RPS17: variants seen among roughly 807,000 people sequenced by gnomAD.
RPS17 encodes small ribosomal subunit protein eS17.
For missense variants in RPS17, 68 were observed against 182.3 expected, an observed-to-expected ratio of 0.37 and a Z score of 3.61; for synonymous variants, 75 against 65.6, an observed-to-expected ratio of 1.14 and a Z score of -0.70.
intron 2 of RPS17, 55 bp from the exon 3 acceptor site, chr15:82,539,040 T>C (rs1040037115): frequency 6.5e-7 from 1 of 1,544,110 alleles, no homozygotes; most frequent in Non-Finnish European, 9.0e-7. Flanking sequence ...AACTCCCACC[T>C]GGTACTGAGC....
intron 2 of RPS17, among the ~76,000 whole-genome samples, 159 bp from the exon 3 acceptor site, chr15:82,539,144 A>T (rs1002844779): frequency 6.6e-6 from 1 of 151,968 alleles, no homozygotes; most frequent in Non-Finnish European, 1.5e-5. Flanking sequence ...TAGAACCTCC[A>T]CTGGCCTGAG....
At chr15:82,539,802 G>T in intron 2 of RPS17, 179 bp downstream of exon 2, 1 of 1,139,384 alleles carries the variant, frequency 8.8e-7, no homozygotes, top group South Asian at 1.3e-5. Flanking sequence ...GGCCAGTCAT[G>T]ACACAGGCCT....
intron 1 of RPS17, 87 bp downstream of exon 1, chr15:82,540,339 C>G: frequency 6.3e-7 from 1 of 1,581,608 alleles, no homozygotes; most frequent in Non-Finnish European, 8.6e-7. Context: ...CTTCCCGGCC[C>G]AGGGCCTCTC....
chr15:82,537,407 A>G, intron 4 of RPS17: 1 of 265,458 alleles, frequency 3.8e-6, no homozygotes, highest in Non-Finnish European at 7.3e-6. Flanking sequence ...TTCCAGGACC[A>G]GCCCTGGGTA....
chr15:82,537,281 C>A, intron 4 of RPS17: 1 of 326,720 alleles, frequency 3.1e-6, no homozygotes, highest in Non-Finnish European at 5.9e-6. Context: ...TGGCCTCTAC[C>A]CCTTAGAAGT....
rs2034291100 is a variant in RPS17 at position 82,539,006 on chromosome 15, AAG to A, written c.156-23_156-22del. 2.5e-6 allele frequency: 4 copies of A among 1,611,440 alleles called. No homozygotes were observed. In the African/African-American group the frequency reaches 4.0e-5, roughly 16 times the overall value. On this transcript the variant is annotated intron_variant, in intron 2 of 4. Coordinates refer to ENST00000647841, the MANE Select transcript of RPS17 (RefSeq NM_001021.6). ...CATAACTACAAAGCACACACAGCCA[AAG>A]AGAACAGTGAGAAGACAAATCAACT...
chr15:82,539,361 G>T, intron 2 of RPS17: 1 of 470,588 alleles, frequency 2.1e-6, no homozygotes, highest in Non-Finnish European at 4.2e-6. Flanking sequence ...TAAATCTCTC[G>T]AACAGTAACT....
intron 4 of RPS17, chr15:82,537,574 T>C (rs1210459686): frequency 6.0e-6 from 2 of 335,238 alleles, no homozygotes; most frequent in Non-Finnish European, 1.2e-5. Context: ...TGGAACTCCA[T>C]GTCCTATTTG....
At chr15:82,540,342 G>A in intron 1 of RPS17, 84 bp downstream of exon 1, 1 of 1,581,736 alleles carries the variant, frequency 6.3e-7, no homozygotes, top group Non-Finnish European at 8.6e-7. Flanking sequence ...CCCGGCCCAG[G>A]GCCTCTCTGT....
intron 3 of RPS17, chr15:82,538,579 A>G (rs991675362): frequency 3.9e-5 from 27 of 693,084 alleles, no homozygotes; most frequent in South Asian, 3.8e-4. Context: ...TTCAGTATTC[A>G]GAACACTTGA....
Position 82,536,793 on chromosome 15 carries a change from G to T in RPS17, c.*8C>A. The T allele has an allele frequency of 6.2e-7, 1 of 1,613,972 alleles. No individual in the cohort carries two copies. Among genetic ancestry groups the T allele is most frequent in the Non-Finnish European group, 8.5e-7 (1 of 1,179,870 alleles). ...TTATTGAAAATAATACAGCACTACA[G>T]AAAAAATTCAAACAGGTCCCCGAGG... On this transcript the variant is annotated 3_prime_UTR_variant, in exon 5 of 5. Transcript: ENST00000647841.
chr15:82,540,220 G>T, intron 1 of RPS17, 88 bp from the exon 2 acceptor site: 1 of 1,610,960 alleles, frequency 6.2e-7, no homozygotes, highest in South Asian at 1.1e-5. Flanking sequence ...TGTGGTTGGG[G>T]ACCGCCGGCT....
chr15:82,539,941 A>G, intron 2 of RPS17, 40 bp downstream of exon 2: 2 of 1,612,014 alleles, frequency 1.2e-6, no homozygotes, highest in Non-Finnish European at 1.7e-6. Flanking sequence ...GCACACAAAC[A>G]GATCGCGGAG....
In RPS17 at chr15:82,540,291, G is replaced by T. The variant is rs969885266; in HGVS notation, c.3+135C>A. Reference sequence around the variant, plus strand: ...GGGCGCCGGGCTTAATGCGGAAGCCGCCGGCCCGTTGCGCTCCAGCCTGAC... The same window carrying T: ...GGGCGCCGGGCTTAATGCGGAAGCCTCCGGCCCGTTGCGCTCCAGCCTGAC... On this transcript the variant is annotated intron_variant, in intron 1 of 4. Transcript: ENST00000647841. 369 of 1,589,492 alleles carry T rather than the reference G, an allele frequency of 2.3e-4. 2 individuals are homozygous for T. The East Asian group carries it at 7.9e-3, about 34-fold the overall frequency.
intron 2 of RPS17, 31 bp from the exon 3 acceptor site, chr15:82,539,016 T>G (rs2034291415): frequency 6.2e-7 from 1 of 1,606,700 alleles, no homozygotes; most frequent in African/African-American, 1.3e-5. Flanking sequence ...AAGAGAACAG[T>G]GAGAAGACAA....
chr15:82,540,399 A>ATTT, intron 1 of RPS17, 27 bp downstream of exon 1: 1 of 1,593,440 alleles, frequency 6.3e-7, no homozygotes, highest in Non-Finnish European at 8.5e-7. Flanking sequence ...ATTGTGGAGG[A>ATTT]TGGCGGCCTC....
rs2034288120 is a variant in RPS17, at chr15:82,538,888, C to T, written c.253G>A (p.Val85Ile). The stretch of plus-strand genomic sequence containing the variant: ...ATATCCAGAAAGTTTACCTCAGGAA[C>T]ATAATTGTCTCTCCTTTCTCTCTCC... ...EEERERRDNYVPEVSALDQEI... is the reference protein window; with the variant it reads ...EEERERRDNYIPEVSALDQEI... Residue 85 changes from valine (V) to isoleucine (I), a missense_variant, in exon 3 of 5, where the codon GTT becomes ATT. Val to Ile is a conservative substitution (Grantham distance 29). Coordinates refer to ENST00000647841, the MANE Select transcript of RPS17 (RefSeq NM_001021.6). The T allele has an allele frequency of 6.2e-7, 1 of 1,613,804 alleles. No individual in the cohort carries two copies. The highest frequency in any genetic ancestry group is 8.5e-7 in the Non-Finnish European group (1 of 1,179,842).
At chr15:82,538,554 C>A in intron 3 of RPS17, 183 bp from the exon 4 acceptor site, 1 of 732,388 alleles carries the variant, frequency 1.4e-6, no homozygotes, top group East Asian at 2.7e-5. Flanking sequence ...CTGGCCTTAC[C>A]TTCCCATGCC....
At chr15:82,540,393 T>G in intron 1 of RPS17, 33 bp downstream of exon 1, 1 of 1,592,518 alleles carries the variant, frequency 6.3e-7, no homozygotes, top group Non-Finnish European at 8.5e-7. Flanking sequence ...GGGACGATTG[T>G]GGAGGATGGC....
Sources: gnomAD v4.1 joint callset for allele counts (sites outside exome capture counted in the v4.1 genomes callset) on GRCh38, gnomAD v4.1.1 for gene constraint, MANE v1.5 for transcripts, NCBI Gene and HGNC (gene_info 2026-07-23, HGNC 2026-07-21) for gene names.